Variants in RHAG observed in about 807,000 individuals in gnomAD.
RHAG encodes the protein Rh associated glycoprotein.
A neutral mutation model predicts 42.4 loss-of-function variants in RHAG; 25 were observed. The observed-to-expected ratio is 0.59, with a 90% CI of 0.43 to 0.82. The LOEUF is 0.82. Ranked by LOEUF, RHAG falls within the 40% of genes least tolerant of loss-of-function variation. The pLI, the probability that RHAG is intolerant of heterozygous loss-of-function variation, is 0.00. For missense variants in RHAG, 483 were observed against 504.6 expected (o/e 0.96, Z 0.41); for synonymous variants, 182 against 177.7 (o/e 1.02, Z -0.19).
Position 49,606,832 on chromosome 6 carries a change from G to T in RHAG, c.1212+16C>A. The stretch of plus-strand genomic sequence containing the variant: ...GAGTCATCGTTCACATTCTTGTTTA[G>T]AATACTGTACAGTACCTTCCAATAA... On this transcript the variant is annotated intron_variant, in intron 9 of 9. Transcript: ENST00000371175. 6.5e-7 allele frequency: 1 copy of T among 1,544,160 alleles called. No individual in the cohort carries two copies. The highest frequency in any genetic ancestry group is 9.0e-7 in the Non-Finnish European group (1 of 1,116,634).
At chr6:49,606,018 C>T (rs190852723) in intron 9 of RHAG, among the ~76,000 whole-genome samples, 188 bp from the exon 10 acceptor site, 8 of 152,258 alleles carry the variant, frequency 5.3e-5, no homozygotes, top group Admixed American at 2.6e-4. Context: ...ACTACATTCC[C>T]GCTTTTCCAA....
intron 3 of RHAG, among the ~76,000 whole-genome samples, chr6:49,617,329 A>G (rs1056645887): frequency 1.3e-5 from 2 of 152,146 alleles, no homozygotes; most frequent in Non-Finnish European, 2.9e-5. Flanking sequence ...GACCTACCCT[A>G]CATATTTTTC....
Position 49,618,030 on chromosome 6 carries a change from G to T in RHAG, c.492+38C>A. The T allele has an allele frequency of 2.5e-6, 4 of 1,597,554 alleles. No homozygotes were observed. In the South Asian group the frequency reaches 3.3e-5, roughly 13 times the overall value. ...TTGTTTTTTTGTAGCCAGAACTGAT[G>T]CCCAAAGCTAGGAAAGTATAAATTT... On this transcript the variant is annotated intron_variant, in intron 3 of 9. Transcript: ENST00000371175.
chr6:49,606,674 A>C, intron 9 of RHAG, 174 bp downstream of exon 9: 2 of 603,170 alleles, frequency 3.3e-6, no homozygotes, highest in Non-Finnish European at 6.0e-6. Context: ...GGCATCAAAC[A>C]ATCCTCCAGC....
At chr6:49,616,272 C>T (rs1762653056) in intron 3 of RHAG, among the ~76,000 whole-genome samples, 1 of 150,068 alleles carries the variant, frequency 6.7e-6, no homozygotes, top group Non-Finnish European at 1.5e-5. Flanking sequence ...ATGACTTGAG[C>T]CTAGGAGTTT....
intron 1 of RHAG, among the ~76,000 whole-genome samples, chr6:49,627,646 C>A (rs147304704): frequency 6.6e-6 from 1 of 152,248 alleles, no homozygotes; most frequent in East Asian, 1.9e-4. Context: ...CCTGAGACTG[C>A]GTAATTCATA....
chr6:49,605,823 T>A lies in RHAG; in HGVS notation c.1220A>T (p.Lys407Met). 1 of 1,613,200 alleles carries A rather than the reference T, an allele frequency of 6.2e-7. No homozygotes were observed. Among genetic ancestry groups the A allele is most frequent in the Non-Finnish European group, 8.5e-7 (1 of 1,179,172 alleles). Residue 407 changes from lysine (K) to methionine (M), a missense_variant, in exon 10 of 10, where the codon AAG (lysine) becomes ATG (methionine). Transcript: ENST00000371175. The stretch of plus-strand genomic sequence containing the variant: ...GAACTGATTGTCAAGTTATCTCGTC[T>A]TAGGGACCTTTAAAAAAACAAGTTT... ...YDDSVYWKVP[K>M]TR
chr6:49,618,291 T>C (rs1762688963), intron 2 of RHAG, 73 bp from the exon 3 acceptor site: 1 of 1,534,742 alleles, frequency 6.5e-7, no homozygotes, highest in Non-Finnish European at 9.0e-7. Flanking sequence ...CAATCCCATC[T>C]CCCACCAGGC....
At position 49,615,644 on chromosome 6, in the gene RHAG, G is replaced by C. The variant is rs1290291857; in HGVS notation, c.620C>G (p.Ser207Ter). The C allele has an allele frequency of 1.2e-6, 2 of 1,614,032 alleles. No individual in the cohort carries two copies. The highest frequency in any genetic ancestry group is 1.7e-6 in the Non-Finnish European group (2 of 1,180,038). Residue 207 changes from serine to a stop codon, truncating the protein, a stop_gained, in exon 4 of 10, where the codon TCA becomes TGA. Transcript: ENST00000371175. LOFTEE classifies it high-confidence loss of function. Reference sequence around the variant, plus strand: ...CTCACCAATCATTGCAAACAAGTCTGAGTAGTATGCGGACTCTTCATTTTC... The same window carrying C: ...CTCACCAATCATTGCAAACAAGTCTCAGTAGTATGCGGACTCTTCATTTTC... Reference protein sequence around the residue: ...GHENEESAYYSDLFAMIGTLF... With the variant: ...GHENEESAYY
intron 1 of RHAG, among the ~76,000 whole-genome samples, chr6:49,627,189 G>A (rs73435814): frequency 0.044 from 6,672 of 152,282 alleles, 488 homozygotes; most frequent in African/African-American, 0.15. Context: ...CAAGAAATGG[G>A]TTTTTGTTTT....
intron 4 of RHAG, 196 bp from the exon 5 acceptor site, chr6:49,615,049 G>A: frequency 1.8e-6 from 1 of 565,924 alleles, no homozygotes; most frequent in South Asian, 2.2e-5. Context: ...TCAGGTTCAA[G>A]CAATTCTTCT....
chr6:49,612,998 A>T (rs1179412549), intron 5 of RHAG, among the ~76,000 whole-genome samples: 1 of 152,216 alleles, frequency 6.6e-6, no homozygotes, highest in Non-Finnish European at 1.5e-5. Context: ...TACACATTAC[A>T]TATGAAAGAC....
intron 1 of RHAG, among the ~76,000 whole-genome samples, chr6:49,632,827 C>T (rs115851263): frequency 1.2e-3 from 189 of 152,178 alleles, no homozygotes; most frequent in African/African-American, 4.0e-3. Flanking sequence ...TTCTCTAGTC[C>T]GTCTACATGT....
chr6:49,628,281 C>T (rs564391902), intron 1 of RHAG, among the ~76,000 whole-genome samples: 2 of 152,190 alleles, frequency 1.3e-5, no homozygotes, highest in South Asian at 2.1e-4. Flanking sequence ...GCTGGGATTA[C>T]AGGTGCACAC....
intron 8 of RHAG, 79 bp downstream of exon 8, chr6:49,607,071 A>G: frequency 7.4e-7 from 1 of 1,357,630 alleles, no homozygotes; most frequent in Non-Finnish European, 1.1e-6. Flanking sequence ...GAATTTAGCA[A>G]TTGACTTGCT....
intron 1 of RHAG, among the ~76,000 whole-genome samples, chr6:49,630,029 T>A (rs998526710): frequency 2.2e-4 from 33 of 152,306 alleles, no homozygotes; most frequent in African/African-American, 6.3e-4. Context: ...GCTCCTCAAG[T>A]GCCGCCAAAG....
intron 1 of RHAG, among the ~76,000 whole-genome samples, chr6:49,624,194 T>A (rs1241329236): frequency 6.6e-6 from 1 of 152,158 alleles, no homozygotes; most frequent in Non-Finnish European, 1.5e-5. Flanking sequence ...TATTACTTAT[T>A]ATTTTTATTA....
rs142612445 is a variant in RHAG, at chr6:49,629,068, A to G, written c.157+7588T>C. On this transcript the variant is annotated intron_variant, in intron 1 of 9. Transcript: ENST00000371175. ...CATTTACAATCCCTGAGCTAGATAC[A>G]AAGGTTCTCCACATCCCCATCAGAT... is the stretch of plus-strand genomic sequence containing the variant. Among the ~76,000 whole-genome samples the G allele has an allele frequency of 4.6e-5, 7 of 152,224 alleles. No homozygotes were observed. In the South Asian group the frequency reaches 1.2e-3, roughly 27 times the overall value.
chr6:49,613,337 T>C (rs567903858), intron 5 of RHAG, among the ~76,000 whole-genome samples: 47 of 152,300 alleles, frequency 3.1e-4, no homozygotes, highest in African/African-American at 1.1e-3. Flanking sequence ...CCCAAAGCAC[T>C]GGGATTACAG....
Sources: gnomAD v4.1 joint callset for allele counts (sites outside exome capture counted in the v4.1 genomes callset) on GRCh38, gnomAD v4.1.1 for gene constraint, MANE v1.5 for transcripts, NCBI Gene and HGNC (gene_info 2026-07-23, HGNC 2026-07-21) for gene names.